The following KLF17 variants were observed in gnomAD, a reference collection of about 807,000 sequenced individuals.
KLF17 encodes KLF transcription factor 17, also known as Krueppel-like factor 17.
A neutral mutation model predicts 34.2 loss-of-function variants in KLF17; 31 were observed. The ratio of observed to expected loss-of-function variants is 0.91; its 90% CI spans 0.68 to 1.22. The LOEUF is 1.22. Ranked by LOEUF, KLF17 falls within the 50% of genes most tolerant of loss-of-function variation. KLF17 has a pLI of 0.00. For missense variants in KLF17, 478 were observed against 505.2 expected (o/e 0.95, Z 0.52); for synonymous variants, 179 against 186.7 (o/e 0.96, Z 0.34).
the KLF17 span, among the ~76,000 whole-genome samples, chr1:44,090,447 A>G: frequency 6.6e-6 from 1 of 152,158 alleles, no homozygotes; most frequent in Admixed American, 6.5e-5. Context: ...ATTACCTGTA[A>G]GTAGAAAAAA....
the KLF17 span, among the ~76,000 whole-genome samples, chr1:44,111,412 T>G: frequency 7.2e-5 from 11 of 152,032 alleles, no homozygotes; most frequent in Non-Finnish European, 1.3e-4. Flanking sequence ...TTTTGCATGT[T>G]TTAAAGCTTT....
At chr1:44,093,404 A>AT in the KLF17 span, among the ~76,000 whole-genome samples, 2 of 151,834 alleles carry the variant, frequency 1.3e-5, no homozygotes, top group Non-Finnish European at 2.9e-5. Flanking sequence ...ACAATTTTTT[A>AT]TTTTTTTGAG....
At chr1:44,059,926 G>T in the KLF17 span, among the ~76,000 whole-genome samples, 2 of 152,030 alleles carry the variant, frequency 1.3e-5, no homozygotes, top group Non-Finnish European at 2.9e-5. Context: ...ATCTGGGAAG[G>T]TGGGAGCACT....
the KLF17 span, among the ~76,000 whole-genome samples, chr1:44,066,777 G>A: frequency 1.3e-5 from 2 of 152,084 alleles, no homozygotes; most frequent in African/African-American, 2.4e-5. Context: ...TCAAATGCCT[G>A]GTGACTACAG....
the KLF17 span, chr1:44,103,337 AC>A: frequency 1.6e-5 from 5 of 307,810 alleles, no homozygotes; most frequent in Non-Finnish European, 3.0e-5. Context: ...GGACTCGGAC[AC>A]CGGACTCGGA....
the KLF17 span, among the ~76,000 whole-genome samples, chr1:44,090,819 G>A: frequency 6.6e-6 from 1 of 151,984 alleles, no homozygotes; most frequent in African/African-American, 2.4e-5. Flanking sequence ...TAACCAGTGA[G>A]TACCCAGGGG....
the KLF17 span, among the ~76,000 whole-genome samples, chr1:44,086,115 G>A: frequency 6.6e-6 from 1 of 152,206 alleles, no homozygotes; most frequent in African/African-American, 2.4e-5. Context: ...AAGACCAGAT[G>A]GAGGGAAAGT....
the KLF17 span, among the ~76,000 whole-genome samples, chr1:44,054,674 G>A: frequency 2.0e-5 from 3 of 151,314 alleles, no homozygotes; most frequent in South Asian, 4.2e-4. Context: ...ATAGAGACGG[G>A]GTTTCACCGT....
At chr1:44,089,389 AG>A in the KLF17 span, among the ~76,000 whole-genome samples, 1 of 152,220 alleles carries the variant, frequency 6.6e-6, no homozygotes, top group African/African-American at 2.4e-5. Flanking sequence ...CCCAGCAGGG[AG>A]CTCTGGAGCA....
the KLF17 span, among the ~76,000 whole-genome samples, chr1:44,072,475 C>T: frequency 6.6e-6 from 1 of 151,786 alleles, no homozygotes; most frequent in Non-Finnish European, 1.5e-5. Context: ...TCCCTTGAGG[C>T]CAGGAGTTTG....
chr1:44,099,839 AAG>A, the KLF17 span, among the ~76,000 whole-genome samples: 1 of 29,248 alleles, frequency 3.4e-5, no homozygotes, highest in Non-Finnish European at 6.1e-5. Context: ...GAAAGAAAGA[AAG>A]AAAGAAAGAA....
At chr1:44,118,467 T>C (rs2087903817), upstream of KLF17, among the ~76,000 whole-genome samples, 1 of 152,148 alleles carries the variant, frequency 6.6e-6, no homozygotes. Flanking sequence ...GTGGAGGCTC[T>C]CCTATCGGTA....
chr1:44,049,401 C>T, the KLF17 span, among the ~76,000 whole-genome samples: 10 of 152,168 alleles, frequency 6.6e-5, no homozygotes, highest in Non-Finnish European at 2.9e-5. Flanking sequence ...CCTCTGCCCT[C>T]CCCAAGGTGA....
At chr1:44,127,619 C>CTT (rs1480262566) in intron 1 of KLF17, among the ~76,000 whole-genome samples, 9 of 67,658 alleles carry the variant, frequency 1.3e-4, no homozygotes, top group Admixed American at 7.2e-4. Flanking sequence ...TCTTTCTTTT[C>CTT]TTTTCTTTTC....
chr1:44,092,651 T>A, the KLF17 span, among the ~76,000 whole-genome samples: 3 of 151,886 alleles, frequency 2.0e-5, no homozygotes, highest in African/African-American at 7.3e-5. Context: ...TTTTTTTCCT[T>A]TGAGACAGGG....
At chr1:44,089,904 G>C in the KLF17 span, among the ~76,000 whole-genome samples, 4 of 152,060 alleles carry the variant, frequency 2.6e-5, no homozygotes, top group African/African-American at 9.7e-5. Context: ...ACTCATGCCT[G>C]TAATACCAGC....
At chr1:44,122,720 C>T (rs548636905) in intron 1 of KLF17, among the ~76,000 whole-genome samples, 8 of 152,162 alleles carry the variant, frequency 5.3e-5, no homozygotes, top group Admixed American at 5.2e-4. Context: ...GCCTCAGCCT[C>T]CCGAGTAGCT....
chr1:44,046,528 TACACACACACTCACACACAC>T, the KLF17 span, among the ~76,000 whole-genome samples: 1 of 85,056 alleles, frequency 1.2e-5, no homozygotes, highest in Non-Finnish European at 2.4e-5. Context: ...ACCTAAGCAC[TACACACACACTCACACACAC>T]ACACACACAC....
the KLF17 span, among the ~76,000 whole-genome samples, chr1:44,091,542 G>C: frequency 6.7e-6 from 1 of 149,640 alleles, no homozygotes; most frequent in Non-Finnish European, 1.5e-5. Flanking sequence ...TGTAATCCCA[G>C]CTACTTGGGA....
Sources: gnomAD v4.1 joint callset for allele counts (sites outside exome capture counted in the v4.1 genomes callset) on GRCh38, gnomAD v4.1.1 for gene constraint, MANE v1.5 for transcripts, NCBI Gene and HGNC (gene_info 2026-07-23, HGNC 2026-07-21) for gene names.